ZNF804B: variants seen among roughly 807,000 people sequenced by gnomAD.
The protein encoded by ZNF804B is zinc finger 804B.
A neutral mutation model predicts 101.4 loss-of-function variants in ZNF804B; 80 were observed. That is an observed-to-expected ratio of 0.79 (90% CI 0.66 to 0.95). ZNF804B has a LOEUF of 0.95. Among genes scored for constraint, ZNF804B ranks in the 40% least tolerant of loss-of-function variants. The pLI is 0.00. For missense variants in ZNF804B, 1,673 were observed against 1,561.9 expected (o/e 1.07, Z -1.20); for synonymous variants, 622 against 558.8 (o/e 1.11, Z -1.59).
intron 1 of ZNF804B, among the ~76,000 whole-genome samples, chr7:88,820,278 T>C (rs1293140492): frequency 6.6e-6 from 1 of 152,082 alleles, no homozygotes; most frequent in Non-Finnish European, 1.5e-5. Flanking sequence ...AAAAATACAA[T>C]AGACTTTTTT....
chr7:89,326,756 C>G (rs1170348067), intron 2 of ZNF804B, among the ~76,000 whole-genome samples: 1 of 151,924 alleles, frequency 6.6e-6, no homozygotes, highest in African/African-American at 2.4e-5. Context: ...AGGGCCATGC[C>G]TCTATTCTGA....
Position 89,219,971 on chromosome 7 carries a change from A to G in ZNF804B, c.249+1676A>G, listed in dbSNP as rs563511818. 1.6e-3 allele frequency among the ~76,000 whole-genome samples: 143 copies of G among 88,304 alleles called. 7 individuals carry two copies. The highest frequency in any genetic ancestry group is 6.4e-3 in the African/African-American group (136 of 21,322). The allele number at this position is 88,304 out of a possible 152,430, so 57.9% of individuals were successfully genotyped here. On this transcript the variant is annotated intron_variant, in intron 2 of 3. Coordinates refer to ENST00000333190, the MANE Select transcript of ZNF804B (RefSeq NM_181646.5). ...TATATACATATATGTGTGCATATAT[A>G]TGTATATACATATGTGTGCATATAT...
chr7:88,795,128 G>T, intron 1 of ZNF804B: 1 of 461,538 alleles, frequency 2.2e-6, no homozygotes, highest in Non-Finnish European at 3.8e-6. Context: ...AGTTTTATCA[G>T]GAAACAATGT....
At chr7:89,215,831 C>A (rs1788884565) in intron 1 of ZNF804B, among the ~76,000 whole-genome samples, 1 of 151,274 alleles carries the variant, frequency 6.6e-6, no homozygotes, top group African/African-American at 2.4e-5. Context: ...TTACAGTCAG[C>A]CGAGATCACG....
At chr7:89,161,972 A>G (rs780237503) in intron 1 of ZNF804B, among the ~76,000 whole-genome samples, 50 of 152,318 alleles carry the variant, frequency 3.3e-4, no homozygotes, top group Non-Finnish European at 5.3e-4. Flanking sequence ...ATCTACACAG[A>G]TAATGAATGA....
chr7:88,791,364 A>C (rs1790378992), intron 1 of ZNF804B, among the ~76,000 whole-genome samples: 6 of 152,122 alleles, frequency 3.9e-5, no homozygotes, highest in Admixed American at 3.9e-4. Flanking sequence ...AACTATATAA[A>C]TGAAATTGTT....
At chr7:89,286,549 C>T (rs1358792247) in intron 2 of ZNF804B, among the ~76,000 whole-genome samples, 3 of 152,084 alleles carry the variant, frequency 2.0e-5, no homozygotes, top group African/African-American at 4.8e-5. Context: ...AATACGGAGT[C>T]GGTGAGGTTT....
intron 2 of ZNF804B, among the ~76,000 whole-genome samples, chr7:89,294,200 T>A (rs1790344379): frequency 6.6e-6 from 1 of 152,232 alleles, no homozygotes; most frequent in South Asian, 2.1e-4. Context: ...GTGAGCACAG[T>A]GACCTTATCA....
At chr7:88,819,547 C>G (rs1018848038) in intron 1 of ZNF804B, among the ~76,000 whole-genome samples, 1 of 152,164 alleles carries the variant, frequency 6.6e-6, no homozygotes, top group Non-Finnish European at 1.5e-5. Flanking sequence ...TTCTTTCTGC[C>G]TGCTCTCTTG....
intron 1 of ZNF804B, among the ~76,000 whole-genome samples, chr7:89,179,796 A>T: frequency 6.6e-6 from 1 of 152,140 alleles, no homozygotes; most frequent in East Asian, 1.9e-4. Context: ...AAGACTTTCC[A>T]AATATTCAAA....
intron 1 of ZNF804B, among the ~76,000 whole-genome samples, chr7:88,875,939 G>A (rs1005831990): frequency 2.3e-4 from 35 of 152,126 alleles, no homozygotes; most frequent in Non-Finnish European, 2.9e-5. Flanking sequence ...AAATCCAGCA[G>A]CACATCAAAA....
At chr7:89,163,779 C>G (rs1472378263) in intron 1 of ZNF804B, among the ~76,000 whole-genome samples, 2 of 152,052 alleles carry the variant, frequency 1.3e-5, no homozygotes, top group African/African-American at 2.4e-5. Context: ...CTGCATAGAT[C>G]TTCAGTTGAA....
intron 1 of ZNF804B, among the ~76,000 whole-genome samples, chr7:89,172,488 T>A (rs1026035346): frequency 1.3e-5 from 2 of 152,178 alleles, no homozygotes; most frequent in Non-Finnish European, 2.9e-5. Context: ...TGTTGATTCT[T>A]CTCGCCTATG....
At chr7:88,816,882 G>T (rs1200080976) in intron 1 of ZNF804B, among the ~76,000 whole-genome samples, 1 of 147,408 alleles carries the variant, frequency 6.8e-6, no homozygotes, top group East Asian at 2.0e-4. Flanking sequence ...GCCATTACTG[G>T]GTATATACCC....
chr7:88,927,430 A>G (rs950328644), intron 1 of ZNF804B, among the ~76,000 whole-genome samples: 10 of 152,190 alleles, frequency 6.6e-5, no homozygotes, highest in Non-Finnish European at 1.5e-4. Flanking sequence ...GAAGAGAAAC[A>G]TCACTTATTG....
chr7:89,027,912 T>C (rs1788775626), intron 1 of ZNF804B, among the ~76,000 whole-genome samples: 1 of 152,166 alleles, frequency 6.6e-6, no homozygotes, highest in Non-Finnish European at 1.5e-5. Context: ...AGGCAGTTGG[T>C]CATCTCCTTG....
At chr7:88,973,851 G>T (rs1793572208) in intron 1 of ZNF804B, among the ~76,000 whole-genome samples, 2 of 151,334 alleles carry the variant, frequency 1.3e-5, no homozygotes. Flanking sequence ...TGTTGAACAA[G>T]AATTCGTAAG....
chr7:88,872,439 T>G (rs1430438303), intron 1 of ZNF804B, among the ~76,000 whole-genome samples: 1 of 152,088 alleles, frequency 6.6e-6, no homozygotes, highest in East Asian at 1.9e-4. Context: ...ATAAAATCCA[T>G]GATATTTCTT....
intron 1 of ZNF804B, among the ~76,000 whole-genome samples, chr7:88,797,018 T>G (rs1280946026): frequency 6.6e-6 from 1 of 152,148 alleles, no homozygotes; most frequent in South Asian, 2.1e-4. Context: ...CTTCTCTCCT[T>G]GGATGTAACT....
Sources: allele counts gnomAD v4.1 joint callset (sites outside exome capture counted in the v4.1 genomes callset), GRCh38; gene constraint gnomAD v4.1.1; transcripts MANE v1.5; gene names NCBI Gene and HGNC (gene_info 2026-07-23, HGNC 2026-07-21).